GRIK1: variants seen among roughly 807,000 people sequenced by gnomAD.
GRIK1 encodes glutamate receptor ionotropic, kainate 1.
GRIK1 carries 69 observed loss-of-function variants against 105.7 expected under a neutral mutation model. The observed-to-expected ratio is 0.65, with a 90% confidence interval of 0.54 to 0.80. The LOEUF (loss-of-function observed/expected upper bound fraction) is 0.80. Among genes scored for constraint, GRIK1 ranks in the 30% least tolerant of loss-of-function variants. The pLI, the probability that GRIK1 is intolerant of heterozygous loss-of-function variation, is 0.00. For missense variants in GRIK1, 1,109 were observed against 1,167.3 expected, an observed-to-expected ratio of 0.95 and a Z score of 0.73; for synonymous variants, 438 against 431.3, an observed-to-expected ratio of 1.02 and a Z score of -0.19.
In GRIK1 at chr21:29,825,814, G is replaced by T. The variant is rs8131969; in HGVS notation, c.118+113569C>A. On this transcript the variant is annotated intron_variant, in intron 1 of 17. Transcript: ENST00000327783. ...ATAATTTTTAAGTCTGTAATGCACA[G>T]GCAGTCAGATTCTGGATCACGATGA... 2.6e-5 allele frequency among the ~76,000 whole-genome samples: 4 copies of T among 152,046 alleles called. No homozygotes were observed. The South Asian group carries it at 6.2e-4, about 24-fold the overall frequency.
At position 29,725,023 on chromosome 21, in the gene GRIK1, A is replaced by G. The variant is rs60519943; in HGVS notation, c.119-30960T>C. On this transcript the variant is annotated intron_variant, in intron 1 of 17. Coordinates refer to ENST00000327783, the MANE Select transcript of GRIK1 (RefSeq NM_001330994.2). ...TTTGCCACCTAAAAAAAAAAAAAAA[A>G]AAAGAAACTCTACTGCCACATGGGA... Among the ~76,000 whole-genome samples the G allele has an allele frequency of 6.5e-3, 994 of 151,822 alleles. 3 individuals are homozygous for G. The highest frequency in any genetic ancestry group is 0.023 in the African/African-American group (934 of 41,434).
chr21:29,577,656 A>G (rs1006273829), intron 13 of GRIK1, among the ~76,000 whole-genome samples: 1 of 152,256 alleles, frequency 6.6e-6, no homozygotes, highest in Non-Finnish European at 1.5e-5. Context: ...ATATACTTTA[A>G]TAAAACATTG....
intron 1 of GRIK1, among the ~76,000 whole-genome samples, chr21:29,896,277 C>T (rs949727591): frequency 6.6e-6 from 1 of 152,174 alleles, no homozygotes; most frequent in African/African-American, 2.4e-5. Flanking sequence ...ATTAAAAACT[C>T]AATTTCTCGT....
chr21:29,719,383 C>G (rs1056774791), intron 1 of GRIK1, among the ~76,000 whole-genome samples: 5 of 151,902 alleles, frequency 3.3e-5, no homozygotes, highest in African/African-American at 1.2e-4. Flanking sequence ...AGGCAAGATC[C>G]TAAAACTTCT....
At chr21:29,541,575 C>CTTTTTTTTTTTTGTTTTTTTT (rs2089971602) in intron 16 of GRIK1, among the ~76,000 whole-genome samples, 1 of 96,006 alleles carries the variant, frequency 1.0e-5, no homozygotes, top group Admixed American at 1.2e-4. Flanking sequence ...CACTCACGGT[C>CTTTTTTTTTTTTGTTTTTTTT]TTTTTTTTTT....
intron 1 of GRIK1, among the ~76,000 whole-genome samples, chr21:29,853,385 T>C (rs1318280013): frequency 6.6e-6 from 1 of 152,226 alleles, no homozygotes; most frequent in Non-Finnish European, 1.5e-5. Context: ...CTGATGTGAC[T>C]AAGAACTAAG....
At chr21:29,871,467 A>G (rs984579804) in intron 1 of GRIK1, among the ~76,000 whole-genome samples, 1 of 152,200 alleles carries the variant, frequency 6.6e-6, no homozygotes, top group Non-Finnish European at 1.5e-5. Context: ...ACAGTTTAGA[A>G]ATGGAAAAGC....
rs2300310 is a variant in GRIK1 at position 29,617,106 on chromosome 21, A to G, written c.1099-18169T>C. Among the ~76,000 whole-genome samples the G allele has an allele frequency of 1.9e-3, 295 of 152,346 alleles. 7 individuals carry two copies. In the East Asian group the frequency reaches 0.047, roughly 24 times the overall value. On this transcript the variant is annotated intron_variant, in intron 7 of 17. Transcript: ENST00000327783. ...TCTCTAATTAGCAAACTCCCTTGAAAGTATATTAATCAAAATACATTTCCA... is the reference window on the plus strand; with the variant it reads ...TCTCTAATTAGCAAACTCCCTTGAAGGTATATTAATCAAAATACATTTCCA...
rs544843530 is a variant in GRIK1 at position 29,598,966 on chromosome 21, T to G, written c.1099-29A>C. 4 of 957,182 alleles carry G rather than the reference T, an allele frequency of 4.2e-6. No homozygotes were observed. In the South Asian group the frequency reaches 5.7e-5, roughly 14 times the overall value. 59.3% of individuals were successfully genotyped at this position (957,182 alleles called of 1,614,324 possible). ...TGGACAAGAAGAAATGTGGCTGTTATTGTTAAACATTTATCATAATTCCTG... is the reference window on the plus strand; with the variant it reads ...TGGACAAGAAGAAATGTGGCTGTTAGTGTTAAACATTTATCATAATTCCTG... On this transcript the variant is annotated intron_variant, in intron 7 of 17. Coordinates refer to ENST00000327783, the MANE Select transcript of GRIK1 (RefSeq NM_001330994.2).
chr21:29,725,090 A>G (rs1247439480), intron 1 of GRIK1, among the ~76,000 whole-genome samples: 1 of 152,014 alleles, frequency 6.6e-6, no homozygotes, highest in Non-Finnish European at 1.5e-5. Context: ...GAGTCCACTC[A>G]GTCAACGCTC....
At chr21:29,795,994 G>A (rs1405840610) in intron 1 of GRIK1, among the ~76,000 whole-genome samples, 2 of 152,018 alleles carry the variant, frequency 1.3e-5, no homozygotes, top group Admixed American at 6.6e-5. Context: ...GGCCACATTT[G>A]TACATTATCA....
At chr21:29,627,219 C>T (rs1308599542) in intron 7 of GRIK1, among the ~76,000 whole-genome samples, 1 of 152,172 alleles carries the variant, frequency 6.6e-6, no homozygotes, top group Non-Finnish European at 1.5e-5. Flanking sequence ...TTCATGTTAG[C>T]ACTCTCTTTC....
intron 1 of GRIK1, among the ~76,000 whole-genome samples, chr21:29,767,544 T>C (rs575083620): frequency 6.6e-5 from 10 of 151,888 alleles, no homozygotes; most frequent in African/African-American, 2.4e-4. Context: ...AATATAAAAA[T>C]ATTCTATAAC....
chr21:29,845,597 C>T (rs2068090936), intron 1 of GRIK1, among the ~76,000 whole-genome samples: 2 of 152,082 alleles, frequency 1.3e-5, no homozygotes, highest in Admixed American at 1.3e-4. Context: ...CCTGCTTCTT[C>T]CTTCAGGAAA....
At chr21:29,718,700 G>A (rs1265294412) in intron 1 of GRIK1, among the ~76,000 whole-genome samples, 1 of 152,148 alleles carries the variant, frequency 6.6e-6, no homozygotes, top group Admixed American at 6.5e-5. Flanking sequence ...CTTGACAATG[G>A]CAAAGCATGA....
chr21:29,617,515 C>T, intron 7 of GRIK1, among the ~76,000 whole-genome samples: 1 of 152,178 alleles, frequency 6.6e-6, no homozygotes, highest in East Asian at 1.9e-4. Context: ...TGTGCTGATG[C>T]TGTCACCTCT....
chr21:29,587,764 C>T (rs2091162333), intron 11 of GRIK1, among the ~76,000 whole-genome samples, 175 bp from the exon 12 acceptor site: 1 of 151,782 alleles, frequency 6.6e-6, no homozygotes, highest in African/African-American at 2.4e-5. Context: ...GTTTATGAAA[C>T]AGTATCAGCA....
intron 9 of GRIK1, among the ~76,000 whole-genome samples, chr21:29,595,239 C>T (rs1033491082): frequency 1.3e-5 from 2 of 152,000 alleles, no homozygotes; most frequent in African/African-American, 4.8e-5. Flanking sequence ...GACATCCCCC[C>T]TCCCCTTTAT....
chr21:29,888,709 G>A (rs2069774285), intron 1 of GRIK1, among the ~76,000 whole-genome samples: 2 of 152,184 alleles, frequency 1.3e-5, no homozygotes, highest in Admixed American at 6.5e-5. Flanking sequence ...GTGCAGCATT[G>A]CAACAGCCTG....
Sources: gnomAD v4.1 joint callset for allele counts (sites outside exome capture counted in the v4.1 genomes callset) on GRCh38, gnomAD v4.1.1 for gene constraint, MANE v1.5 for transcripts, NCBI Gene and HGNC (gene_info 2026-07-23, HGNC 2026-07-21) for gene names.